Variants in PDLIM5 observed in about 807,000 individuals in gnomAD.
PDLIM5 encodes PDZ and LIM domain protein 5.
A neutral mutation model predicts 64.2 loss-of-function variants in PDLIM5; 34 were observed. The ratio of observed to expected loss-of-function variants is 0.53; its 90% CI spans 0.40 to 0.71. The LOEUF (loss-of-function observed/expected upper bound fraction) is 0.71, where lower values mean the gene tolerates loss of function less well. PDLIM5 is among the 30% of genes least tolerant of loss of function. The pLI is 0.00. For missense variants in PDLIM5, 683 were observed against 733.6 expected (o/e 0.93, Z 0.80); for synonymous variants, 253 against 269.1 (o/e 0.94, Z 0.59).
intron 2 of PDLIM5, among the ~76,000 whole-genome samples, chr4:94,496,139 A>G (rs1727373832): frequency 6.6e-6 from 1 of 152,150 alleles, no homozygotes. Flanking sequence ...TTCATCAAGT[A>G]GCAAAAACAG....
At chr4:94,514,699 G>A (rs1357506577) in intron 2 of PDLIM5, among the ~76,000 whole-genome samples, 1 of 152,084 alleles carries the variant, frequency 6.6e-6, no homozygotes. Context: ...TTTCTGTTAC[G>A]GCTTTGGTCT....
At chr4:94,606,434 T>C (rs889557583) in intron 7 of PDLIM5, among the ~76,000 whole-genome samples, 1 of 151,948 alleles carries the variant, frequency 6.6e-6, no homozygotes, top group African/African-American at 2.4e-5. Flanking sequence ...AGTGAGGGTG[T>C]GGTAGAACGA....
intron 8 of PDLIM5, among the ~76,000 whole-genome samples, chr4:94,623,359 G>A (rs1560747965): frequency 6.6e-6 from 1 of 152,108 alleles, no homozygotes; most frequent in Admixed American, 6.6e-5. Context: ...CTTTGTACAA[G>A]CTGCTCCTTT....
chr4:94,546,179 C>T (rs1017441272), intron 3 of PDLIM5, among the ~76,000 whole-genome samples: 8 of 152,086 alleles, frequency 5.3e-5, no homozygotes, highest in South Asian at 2.1e-4. Context: ...TAGAACTGAA[C>T]GTTATGATGG....
intron 7 of PDLIM5, among the ~76,000 whole-genome samples, chr4:94,615,650 ATAAC>A (rs1296415864): frequency 6.6e-6 from 1 of 152,196 alleles, no homozygotes; most frequent in Non-Finnish European, 1.5e-5. Flanking sequence ...ATGCTGAAAT[ATAAC>A]TGAGCCTTCC....
At chr4:94,625,942 T>C (rs1288002991) in intron 8 of PDLIM5, among the ~76,000 whole-genome samples, 1 of 152,202 alleles carries the variant, frequency 6.6e-6, no homozygotes, top group Non-Finnish European at 1.5e-5. Flanking sequence ...TTGACAAGAA[T>C]GTAAAAACAA....
intron 3 of PDLIM5, among the ~76,000 whole-genome samples, chr4:94,546,673 T>G (rs891164301): frequency 2.6e-5 from 4 of 152,158 alleles, no homozygotes; most frequent in African/African-American, 9.7e-5. Flanking sequence ...TCACAATACC[T>G]CTTCTATAGC....
intron 3 of PDLIM5, among the ~76,000 whole-genome samples, chr4:94,548,459 C>G (rs1732515019): frequency 6.6e-6 from 1 of 152,152 alleles, no homozygotes; most frequent in South Asian, 2.1e-4. Flanking sequence ...GCTTCACCCT[C>G]TTAGAGGTCT....
chr4:94,585,620 C>T lies in PDLIM5; in HGVS notation c.766C>T (p.His256Tyr). ...TACAGAGTTTTATCATGTACCCACT[C>T]ACAGTGATGCCAGCAAGAAGAGACT... Reference protein sequence around the residue: ...RYTEFYHVPTHSDASKKRLIE... With the variant: ...RYTEFYHVPTYSDASKKRLIE... The change falls in exon 6 of 13, where the codon CAC (histidine) becomes TAC (tyrosine). Residue 256 changes from histidine to tyrosine, a missense_variant. His to Tyr is a moderately conservative substitution (Grantham distance 83). Transcript: ENST00000317968. 1 of 1,613,120 alleles carries T rather than the reference C, an allele frequency of 6.2e-7. No individual in the cohort carries two copies.
chr4:94,580,967 G>T (rs981508095), intron 5 of PDLIM5, among the ~76,000 whole-genome samples: 6 of 152,100 alleles, frequency 3.9e-5, no homozygotes, highest in African/African-American at 1.4e-4. Context: ...AGCGGTTGGG[G>T]AATCTATTCC....
At position 94,543,778 on chromosome 4, in the gene PDLIM5, CTGTGTGTGTGTGTGTGTGTGTGTGTG is replaced by C. The variant is rs60929032; in HGVS notation, c.248+19935_248+19960del. ...ATTTTTAAGGCTGAATAGTATTCCA[CTGTGTGTGTGTGTGTGTGTGTGTGTG>C]TGTGTGTGTGTGTGTGTGTGTGTGT... On this transcript the variant is annotated intron_variant, in intron 3 of 12. Transcript: ENST00000317968. Among the ~76,000 whole-genome samples, 385 of 132,136 alleles carry C rather than the reference CTGTGTGTGTGTGTGTGTGTGTGTGTG, an allele frequency of 2.9e-3. 4 individuals are homozygous for C. Among genetic ancestry groups the C allele is most frequent in the South Asian group, 0.018 (62 of 3,506 alleles). The allele number at this position is 132,136 out of a possible 152,430, so 86.7% of individuals were successfully genotyped here. A position where few individuals can be genotyped will look rare whatever the true frequency, so the allele number is the denominator to read the frequency against.
intron 11 of PDLIM5, among the ~76,000 whole-genome samples, chr4:94,658,807 T>A (rs531684198): frequency 1.3e-5 from 2 of 152,378 alleles, no homozygotes; most frequent in East Asian, 3.9e-4. Flanking sequence ...TGGGACAGGT[T>A]GGCCACAAGC....
In PDLIM5 at chr4:94,609,184, C is replaced by T. The variant is rs148082072; in HGVS notation, c.921-8820C>T. ...CATTAACCAGAGGTCGAGTTTGCCA[C>T]GTAATTACTTTGTGTTGGAGGTGGC... On this transcript the variant is annotated intron_variant, in intron 7 of 12. Transcript: ENST00000317968. Among the ~76,000 whole-genome samples the T allele has an allele frequency of 6.6e-3, 1,009 of 152,188 alleles. 9 individuals carry two copies. Among genetic ancestry groups the T allele is most frequent in the Non-Finnish European group, 0.011 (763 of 67,998 alleles).
At chr4:94,611,194 A>T in intron 7 of PDLIM5, 1 of 1,534,862 alleles carries the variant, frequency 6.5e-7, no homozygotes, top group Non-Finnish European at 8.7e-7. Flanking sequence ...CATGTTAAGA[A>T]AACAAGGTAC....
chr4:94,647,496 A>T (rs1366863899), intron 9 of PDLIM5, among the ~76,000 whole-genome samples: 1 of 152,162 alleles, frequency 6.6e-6, no homozygotes, highest in East Asian at 1.9e-4. Context: ...AATAAGTGAA[A>T]TAAAAACTGT....
intron 2 of PDLIM5, among the ~76,000 whole-genome samples, chr4:94,478,499 A>G (rs974516657): frequency 2.6e-5 from 4 of 152,158 alleles, no homozygotes; most frequent in African/African-American, 9.6e-5. Flanking sequence ...ATAGTCTTTC[A>G]TGAACCTCCT....
chr4:94,521,136 T>C (rs1729791509), intron 2 of PDLIM5, among the ~76,000 whole-genome samples: 1 of 152,178 alleles, frequency 6.6e-6, no homozygotes, highest in South Asian at 2.1e-4. Flanking sequence ...TATAGATGGC[T>C]TGTATTTTCT....
intron 7 of PDLIM5, among the ~76,000 whole-genome samples, chr4:94,601,926 G>A (rs776611409): frequency 1.2e-4 from 19 of 152,174 alleles, no homozygotes; most frequent in Non-Finnish European, 2.6e-4. Context: ...CAGGAAGCCA[G>A]CAGAAAATAC....
At chr4:94,569,989 G>A (rs1246754556) in intron 3 of PDLIM5, among the ~76,000 whole-genome samples, 2 of 151,914 alleles carry the variant, frequency 1.3e-5, no homozygotes, top group African/African-American at 4.8e-5. Flanking sequence ...TTATCTGGTT[G>A]ATGAAAATTT....
Sources: gnomAD v4.1 joint callset for allele counts (sites outside exome capture counted in the v4.1 genomes callset) on GRCh38, gnomAD v4.1.1 for gene constraint, MANE v1.5 for transcripts, NCBI Gene and HGNC (gene_info 2026-07-23, HGNC 2026-07-21) for gene names.